Variants in PTBP3 observed in about 807,000 individuals in gnomAD.
The protein encoded by PTBP3 is polypyrimidine tract-binding protein 3.
PTBP3 carries 20 observed loss-of-function variants against 58.7 expected under a neutral mutation model. The observed-to-expected ratio is 0.34, with a 90% CI of 0.24 to 0.50. PTBP3 has a LOEUF of 0.50. Ranked by LOEUF, PTBP3 falls within the 20% of genes least tolerant of loss-of-function variation. PTBP3 has a pLI of 0.98. For synonymous variants in PTBP3, 185 were observed against 219.8 expected, an observed-to-expected ratio of 0.84 and a Z score of 1.40; for missense variants, 509 against 637.2, an observed-to-expected ratio of 0.80 and a Z score of 2.17.
chr9:112,229,479 T>A (rs1429516267), intron 10 of PTBP3, among the ~76,000 whole-genome samples: 1 of 151,510 alleles, frequency 6.6e-6, no homozygotes, highest in Non-Finnish European at 1.5e-5. Context: ...GTGGGAAAAT[T>A]GCTTGAACCT....
At chr9:112,322,320 C>T (rs1197119505) in intron 1 of PTBP3, among the ~76,000 whole-genome samples, 2 of 152,088 alleles carry the variant, frequency 1.3e-5, no homozygotes, top group Non-Finnish European at 2.9e-5. Context: ...ACTCCAGTCC[C>T]TTCTGGCTTA....
intron 1 of PTBP3, 105 bp downstream of exon 1, chr9:112,333,358 TCCGGCCG>T: frequency 8.1e-7 from 1 of 1,234,454 alleles, no homozygotes; most frequent in Non-Finnish European, 1.0e-6. Flanking sequence ...GGGCCGCTCC[TCCGGCCG>T]CCGGCGCCGC....
intron 4 of PTBP3, among the ~76,000 whole-genome samples, chr9:112,264,737 TG>T (rs1233983890): frequency 6.6e-6 from 1 of 152,206 alleles, no homozygotes; most frequent in Non-Finnish European, 1.5e-5. Context: ...AGCAACAAGA[TG>T]GAAAAAGTAT....
chr9:112,338,411 A>G (rs1471141596), upstream of PTBP3, among the ~76,000 whole-genome samples: 2 of 152,194 alleles, frequency 1.3e-5, no homozygotes, highest in Non-Finnish European at 2.9e-5. Context: ...AGATGTTACT[A>G]TTGGGGGAAA....
chr9:112,344,123 T>A, the PTBP3 span, among the ~76,000 whole-genome samples: 220 of 152,254 alleles, frequency 1.4e-3, 2 homozygotes, highest in African/African-American at 5.1e-3. Flanking sequence ...AATTTATCAA[T>A]CTTTTTTTAT....
chr9:112,270,133 G>A (rs566851834), intron 3 of PTBP3, among the ~76,000 whole-genome samples: 2 of 152,146 alleles, frequency 1.3e-5, no homozygotes, highest in South Asian at 2.1e-4. Flanking sequence ...TTATAGTAGA[G>A]ACAGGGAGTC....
At chr9:112,275,024 AT>A (rs1171158900) in intron 3 of PTBP3, among the ~76,000 whole-genome samples, 3 of 152,218 alleles carry the variant, frequency 2.0e-5, no homozygotes, top group Admixed American at 6.5e-5. Context: ...CCGGTGGAAT[AT>A]TCATTCTATT....
intron 1 of PTBP3, among the ~76,000 whole-genome samples, chr9:112,304,044 G>A (rs746422316): frequency 1.3e-5 from 2 of 149,844 alleles, no homozygotes; most frequent in Non-Finnish European, 3.0e-5. Flanking sequence ...GTGCATGCCT[G>A]TAATCTCAGC....
chr9:112,298,655 T>C (rs913319757), intron 1 of PTBP3: 20 of 425,006 alleles, frequency 4.7e-5, no homozygotes, highest in Non-Finnish European at 9.2e-5. Flanking sequence ...AGAACAAGTG[T>C]TTTGATACAC....
At chr9:112,323,731 G>A (rs1432366269) in intron 1 of PTBP3, among the ~76,000 whole-genome samples, 2 of 152,088 alleles carry the variant, frequency 1.3e-5, no homozygotes, top group Non-Finnish European at 2.9e-5. Flanking sequence ...GAAATGCAAA[G>A]GAAAATAATT....
At chr9:112,330,311 A>G in intron 1 of PTBP3, 1 of 658,832 alleles carries the variant, frequency 1.5e-6, no homozygotes, top group Non-Finnish European at 2.6e-6. Context: ...CCTCAGGTCT[A>G]CTTATTTTGG....
intron 12 of PTBP3, among the ~76,000 whole-genome samples, chr9:112,225,543 C>T (rs188167761): frequency 4.9e-4 from 75 of 152,226 alleles, no homozygotes; most frequent in African/African-American, 1.7e-3. Flanking sequence ...CTGGACTGTA[C>T]ACTTAAAAAT....
chr9:112,255,250 T>C (rs559456067), intron 5 of PTBP3, among the ~76,000 whole-genome samples: 11 of 152,270 alleles, frequency 7.2e-5, no homozygotes, highest in African/African-American at 2.6e-4. Flanking sequence ...AAAGGGAGTT[T>C]CAGTTTGGGA....
At position 112,218,578 on chromosome 9, in the gene PTBP3, A is replaced by G. The variant is rs1308734902; in HGVS notation, c.*5273T>C. 1 of 152,672 alleles carries G rather than the reference A, an allele frequency of 6.5e-6. No homozygotes were observed. Among genetic ancestry groups the G allele is most frequent in the East Asian group, 1.9e-4 (1 of 5,204 alleles). The allele number at this position is 152,672 out of a possible 1,614,324, so 9.5% of individuals were successfully genotyped here. A position where few individuals can be genotyped will look rare whatever the true frequency, so the allele number is the denominator to read the frequency against. On this transcript the variant is annotated 3_prime_UTR_variant, in exon 14 of 14. Transcript: ENST00000374257. ...AATGGAATATACTGTAGTGTACAGA[A>G]GCTTGAATTAACCATGCACTACGCA... is the stretch of plus-strand genomic sequence containing the variant.
intron 1 of PTBP3, among the ~76,000 whole-genome samples, chr9:112,327,680 C>T (rs1180444221): frequency 6.6e-6 from 1 of 152,036 alleles, no homozygotes; most frequent in East Asian, 1.9e-4. Context: ...CCAAGGTATA[C>T]ACTTAGGTAT....
At chr9:112,308,798 A>G (rs1281530316) in intron 1 of PTBP3, among the ~76,000 whole-genome samples, 1 of 152,100 alleles carries the variant, frequency 6.6e-6, no homozygotes, top group Non-Finnish European at 1.5e-5. Context: ...AACACACAGC[A>G]AATTTACATA....
At chr9:112,233,439 G>A (rs1420490473) in intron 8 of PTBP3, among the ~76,000 whole-genome samples, 1 of 151,440 alleles carries the variant, frequency 6.6e-6, no homozygotes, top group African/African-American at 2.4e-5. Flanking sequence ...CAAAATGAGG[G>A]AAAACATATC....
intron 7 of PTBP3, among the ~76,000 whole-genome samples, chr9:112,240,244 T>C (rs936635899): frequency 1.3e-5 from 2 of 152,220 alleles, no homozygotes; most frequent in African/African-American, 4.8e-5. Flanking sequence ...ATTTATTTTC[T>C]AACTTATATA....
At chr9:112,271,359 C>T (rs1827378108) in intron 3 of PTBP3, among the ~76,000 whole-genome samples, 1 of 152,170 alleles carries the variant, frequency 6.6e-6, no homozygotes, top group Non-Finnish European at 1.5e-5. Context: ...TTTCCTTTGA[C>T]TGTTATGGTG....
Sources: gnomAD v4.1 joint callset for allele counts (sites outside exome capture counted in the v4.1 genomes callset) on GRCh38, gnomAD v4.1.1 for gene constraint, MANE v1.5 for transcripts, NCBI Gene and HGNC (gene_info 2026-07-23, HGNC 2026-07-21) for gene names.